The following CCSER1 variants were observed in gnomAD, a reference collection of about 807,000 sequenced individuals.
CCSER1 encodes the protein coiled-coil serine rich protein 1, also known as serine-rich coiled-coil domain-containing protein 1.
CCSER1 carries 41 observed loss-of-function variants against 82.0 expected under a neutral mutation model. The ratio of observed to expected loss-of-function variants is 0.50; its 90% CI spans 0.39 to 0.65. CCSER1 has a LOEUF of 0.65. Among genes scored for constraint, CCSER1 ranks in the 30% least tolerant of loss-of-function variants. The probability of loss-of-function intolerance (pLI) is 0.00; values close to 1 mark genes in which losing one functional copy is unlikely to be tolerated. For synonymous variants in CCSER1, 414 were observed against 383.9 expected (o/e 1.08, Z -0.92); for missense variants, 1,119 against 1,064.2 (o/e 1.05, Z -0.72).
At chr4:90,746,957 T>G (rs563134655) in intron 7 of CCSER1, among the ~76,000 whole-genome samples, 1 of 152,338 alleles carries the variant, frequency 6.6e-6, no homozygotes, top group South Asian at 2.1e-4. Flanking sequence ...ACTACTGTAC[T>G]CTACTGTTTT....
chr4:91,277,697 CTT>C (rs1351574170), intron 10 of CCSER1, among the ~76,000 whole-genome samples: 1 of 151,208 alleles, frequency 6.6e-6, no homozygotes, highest in African/African-American at 2.4e-5. Flanking sequence ...TCTGCTATGA[CTT>C]TTATTATTTC....
intron 10 of CCSER1, among the ~76,000 whole-genome samples, chr4:91,248,873 A>T (rs564018566): frequency 6.6e-6 from 1 of 152,294 alleles, no homozygotes; most frequent in African/African-American, 2.4e-5. Context: ...TACTACCTTT[A>T]CAATTTTTTG....
intron 5 of CCSER1, among the ~76,000 whole-genome samples, chr4:90,552,995 G>A (rs1560708442): frequency 2.2e-5 from 3 of 138,076 alleles, no homozygotes; most frequent in South Asian, 4.4e-4. Flanking sequence ...TTTTTGAGAC[G>A]GAGTCTCGCT....
chr4:91,438,552 T>G (rs889020435), intron 10 of CCSER1, among the ~76,000 whole-genome samples: 1 of 152,082 alleles, frequency 6.6e-6, no homozygotes, highest in Non-Finnish European at 1.5e-5. Flanking sequence ...GCAGAAAAAC[T>G]GGATACTCTA....
At chr4:90,378,774 T>C (rs1333315027) in intron 3 of CCSER1, among the ~76,000 whole-genome samples, 5 of 152,198 alleles carry the variant, frequency 3.3e-5, no homozygotes, top group Non-Finnish European at 7.3e-5. Context: ...AGCAAAATAG[T>C]ACATTATAAA....
At chr4:90,497,905 G>T (rs568679935) in intron 5 of CCSER1, among the ~76,000 whole-genome samples, 1 of 151,992 alleles carries the variant, frequency 6.6e-6, no homozygotes, top group African/African-American at 2.4e-5. Context: ...TCTCATGAGG[G>T]AGTGCAGGAG....
At chr4:90,498,322 T>C (rs1429704109) in intron 5 of CCSER1, among the ~76,000 whole-genome samples, 6 of 152,190 alleles carry the variant, frequency 3.9e-5, no homozygotes, top group Non-Finnish European at 7.3e-5. Context: ...TTGTTTGTAA[T>C]ATTTTCAGAC....
chr4:91,567,498 A>G (rs550818738), intron 10 of CCSER1, among the ~76,000 whole-genome samples: 1 of 152,104 alleles, frequency 6.6e-6, no homozygotes, highest in Non-Finnish European at 1.5e-5. Flanking sequence ...TCCCACTATT[A>G]TTGTGTGGGA....
At chr4:90,459,999 T>A (rs1310770673) in intron 4 of CCSER1, among the ~76,000 whole-genome samples, 3 of 152,134 alleles carry the variant, frequency 2.0e-5, no homozygotes, top group Non-Finnish European at 4.4e-5. Context: ...TAGAAAAAAA[T>A]TTCACAACGA....
chr4:90,174,412 A>T (rs1054876289), intron 1 of CCSER1, among the ~76,000 whole-genome samples: 6 of 152,020 alleles, frequency 3.9e-5, no homozygotes, highest in Admixed American at 1.3e-4. Flanking sequence ...GCACTGGAAC[A>T]CTGGAATCAG....
At chr4:91,491,904 G>T (rs1758563389) in intron 10 of CCSER1, among the ~76,000 whole-genome samples, 1 of 149,108 alleles carries the variant, frequency 6.7e-6, no homozygotes, top group Non-Finnish European at 1.5e-5. Context: ...TCAACTTATG[G>T]CTATTAACAA....
intron 6 of CCSER1, among the ~76,000 whole-genome samples, chr4:90,686,937 C>T (rs535615049): frequency 2.0e-5 from 3 of 152,222 alleles, no homozygotes; most frequent in South Asian, 2.1e-4. Flanking sequence ...ACTAAACCAC[C>T]TTACAAAACA....
At chr4:90,231,499 A>G (rs1455187837) in intron 1 of CCSER1, among the ~76,000 whole-genome samples, 13 of 147,464 alleles carry the variant, frequency 8.8e-5, no homozygotes, top group African/African-American at 3.1e-4. Flanking sequence ...TCTATGACAA[A>G]CCCACAGCCA....
chr4:91,450,656 T>G (rs577942002), intron 10 of CCSER1, among the ~76,000 whole-genome samples: 2 of 151,920 alleles, frequency 1.3e-5, no homozygotes, highest in South Asian at 2.1e-4. Context: ...GACAGAGTAT[T>G]TGGGGAGTTA....
intron 10 of CCSER1, among the ~76,000 whole-genome samples, chr4:91,204,384 A>G (rs1036512574): frequency 2.0e-5 from 3 of 151,850 alleles, no homozygotes; most frequent in Non-Finnish European, 4.4e-5. Context: ...ATGAAAGAAC[A>G]TAAAGCCCTT....
intron 10 of CCSER1, among the ~76,000 whole-genome samples, chr4:91,406,013 G>A (rs567461625): frequency 5.3e-5 from 8 of 152,200 alleles, no homozygotes; most frequent in South Asian, 4.1e-4. Flanking sequence ...ACTGCCTCCC[G>A]ATATATGTAT....
chr4:91,010,022 T>A (rs1305689629), intron 9 of CCSER1, among the ~76,000 whole-genome samples: 2 of 152,168 alleles, frequency 1.3e-5, no homozygotes, highest in Non-Finnish European at 2.9e-5. Flanking sequence ...TTATGTTATA[T>A]CTAGTGTTCT....
intron 5 of CCSER1, among the ~76,000 whole-genome samples, chr4:90,482,918 G>C (rs1483420104): frequency 6.6e-6 from 1 of 152,102 alleles, no homozygotes; most frequent in African/African-American, 2.4e-5. Context: ...TTCAATTCCT[G>C]GATATCCTTG....
intron 5 of CCSER1, among the ~76,000 whole-genome samples, chr4:90,506,593 T>C (rs1297492105): frequency 6.6e-6 from 1 of 151,958 alleles, no homozygotes; most frequent in East Asian, 1.9e-4. Context: ...TGAAACCCTG[T>C]CTCTACTAAA....
Sources: allele counts gnomAD v4.1 joint callset (sites outside exome capture counted in the v4.1 genomes callset), GRCh38; gene constraint gnomAD v4.1.1; transcripts MANE v1.5; gene names NCBI Gene and HGNC (gene_info 2026-07-23, HGNC 2026-07-21).